KCNIP1: variants seen among roughly 807,000 people sequenced by gnomAD.
KCNIP1 encodes potassium voltage-gated channel interacting protein 1.
A neutral mutation model predicts 33.0 loss-of-function variants in KCNIP1; 18 were observed. The observed-to-expected ratio is 0.55, with a 90% confidence interval of 0.38 to 0.81. The LOEUF (loss-of-function observed/expected upper bound fraction) is 0.81, where lower values mean the gene tolerates loss of function less well. Among genes scored for constraint, KCNIP1 ranks in the 30% least tolerant of loss-of-function variants. The pLI is 0.00. For missense variants in KCNIP1, 238 were observed against 271.6 expected (o/e 0.88, Z 0.87); for synonymous variants, 93 against 98.3 (o/e 0.95, Z 0.32).
chr5:170,357,495 T>C (rs1341473762), intron 1 of KCNIP1, among the ~76,000 whole-genome samples: 1 of 152,244 alleles, frequency 6.6e-6, no homozygotes, highest in Non-Finnish European at 1.5e-5. Flanking sequence ...GATCACTTTA[T>C]GAAAGCCTAT....
Position 170,557,546 on chromosome 5 carries a change from T to C in KCNIP1, c.61+52913T>C, listed in dbSNP as rs572736239. Among the ~76,000 whole-genome samples, 108 of 151,638 alleles carry C rather than the reference T, an allele frequency of 7.1e-4. 1 individual carries two copies. In the South Asian group the frequency reaches 0.022, roughly 31 times the overall value. On this transcript the variant is annotated intron_variant, in intron 1 of 7. Transcript: ENST00000328939. ...GGGTCAACCACCCAGAAATGAATCG[T>C]GTGGGTCCCATCCTCTCCAAGACAA...
intron 1 of KCNIP1, among the ~76,000 whole-genome samples, chr5:170,394,491 C>T (rs558739938): frequency 1.3e-5 from 2 of 152,134 alleles, no homozygotes; most frequent in South Asian, 4.2e-4. Flanking sequence ...AAATCTCTCG[C>T]TTTTTTACAT....
At chr5:170,542,196 A>G (rs1033817301) in intron 1 of KCNIP1, among the ~76,000 whole-genome samples, 1 of 152,216 alleles carries the variant, frequency 6.6e-6, no homozygotes, top group African/African-American at 2.4e-5. Context: ...AGCACCTACT[A>G]TGTGGCAGGC....
chr5:170,636,821 C>T (rs1760303057), intron 1 of KCNIP1, among the ~76,000 whole-genome samples: 1 of 152,180 alleles, frequency 6.6e-6, no homozygotes, highest in Admixed American at 6.5e-5. Context: ...ACCCACATTA[C>T]TGACCACCCA....
upstream of KCNIP1, among the ~76,000 whole-genome samples, chr5:170,501,166 T>A (rs1254304151): frequency 1.3e-5 from 2 of 152,124 alleles, no homozygotes; most frequent in Non-Finnish European, 2.9e-5. Flanking sequence ...CCCTGGGTGC[T>A]ATGGAAACCA....
At chr5:170,612,435 C>CGGAG (rs1759199451) in intron 1 of KCNIP1, among the ~76,000 whole-genome samples, 1 of 152,204 alleles carries the variant, frequency 6.6e-6, no homozygotes, top group Non-Finnish European at 1.5e-5. Context: ...GGCTCCCTTT[C>CGGAG]GGAGACTAAT....
chr5:170,715,469 C>A (rs1426272179), intron 1 of KCNIP1, among the ~76,000 whole-genome samples: 1 of 152,142 alleles, frequency 6.6e-6, no homozygotes, highest in Non-Finnish European at 1.5e-5. Flanking sequence ...ATCACTTAAT[C>A]AAAATCATCT....
chr5:170,669,451 T>G (rs1581474342), intron 1 of KCNIP1: 2 of 888,974 alleles, frequency 2.2e-6, no homozygotes, highest in East Asian at 2.4e-4. Flanking sequence ...TAGAATGTAT[T>G]TAAAGTAATA....
chr5:170,612,435 C>A (rs1163401930), intron 1 of KCNIP1, among the ~76,000 whole-genome samples: 1 of 152,204 alleles, frequency 6.6e-6, no homozygotes, highest in South Asian at 2.1e-4. Context: ...GGCTCCCTTT[C>A]GGAGACTAAT....
chr5:170,591,532 T>G (rs371184266), intron 1 of KCNIP1, among the ~76,000 whole-genome samples: 1 of 152,230 alleles, frequency 6.6e-6, no homozygotes, highest in Non-Finnish European at 1.5e-5. Flanking sequence ...TTGGACAAAC[T>G]TCACCACCAT....
rs551415891 is a variant in KCNIP1 at position 170,648,124 on chromosome 5, C to T, written c.62-70634C>T. Reference sequence around the variant, plus strand: ...GGCCAATATCCAAAACACTTAACAACACAAAATGTAGGTGAGAATGTGGAG... The same window carrying T: ...GGCCAATATCCAAAACACTTAACAATACAAAATGTAGGTGAGAATGTGGAG... On this transcript the variant is annotated intron_variant, in intron 1 of 7. Transcript: ENST00000328939. 2.1e-4 allele frequency among the ~76,000 whole-genome samples: 32 copies of T among 152,270 alleles called. 1 individual carries two copies. The highest frequency in any genetic ancestry group is 8.3e-4 in the South Asian group (4 of 4,820).
At chr5:170,416,741 C>A (rs1033882412) in intron 1 of KCNIP1, among the ~76,000 whole-genome samples, 1 of 152,044 alleles carries the variant, frequency 6.6e-6, no homozygotes, top group African/African-American at 2.4e-5. Context: ...TGCCAGCACT[C>A]ATTTCTTGGG....
intron 1 of KCNIP1, among the ~76,000 whole-genome samples, chr5:170,395,073 C>G (rs992264417): frequency 2.0e-5 from 3 of 152,218 alleles, no homozygotes; most frequent in African/African-American, 7.2e-5. Context: ...GTGCAGGTCT[C>G]TTTATGGTAG....
chr5:170,436,544 G>A (rs895738210), intron 1 of KCNIP1, among the ~76,000 whole-genome samples: 1 of 152,214 alleles, frequency 6.6e-6, no homozygotes, highest in Non-Finnish European at 1.5e-5. Flanking sequence ...AGCTGGCTCC[G>A]CCCCTAGAGC....
At chr5:170,441,008 C>T (rs1213917452) in intron 1 of KCNIP1, among the ~76,000 whole-genome samples, 2 of 152,184 alleles carry the variant, frequency 1.3e-5, no homozygotes, top group East Asian at 1.9e-4. Flanking sequence ...TTCCTTCCCT[C>T]GGTCTGCCGT....
chr5:170,662,335 G>A lies in KCNIP1; in HGVS notation c.62-56423G>A, dbSNP rs544629346. Among the ~76,000 whole-genome samples the A allele has an allele frequency of 4.6e-5, 7 of 152,218 alleles. No individual in the cohort carries two copies. In the South Asian group the frequency reaches 1.2e-3, roughly 27 times the overall value. Reference sequence around the variant, plus strand: ...GGCACTGTTGAGGGAGGAGCTACCCGGGGGAGGAATGACCCTCCGTCACTG... The same window carrying A: ...GGCACTGTTGAGGGAGGAGCTACCCAGGGGAGGAATGACCCTCCGTCACTG... On this transcript the variant is annotated intron_variant, in intron 1 of 7. Transcript: ENST00000328939.
At chr5:170,574,347 AAT>A (rs1459027145) in intron 1 of KCNIP1, among the ~76,000 whole-genome samples, 2 of 152,268 alleles carry the variant, frequency 1.3e-5, no homozygotes, top group Non-Finnish European at 2.9e-5. Context: ...CATTAAAATA[AAT>A]ATGAGCTATA....
chr5:170,518,766 GGTA>G (rs1193751805), intron 1 of KCNIP1, among the ~76,000 whole-genome samples: 1 of 152,170 alleles, frequency 6.6e-6, no homozygotes, highest in Admixed American at 6.5e-5. Flanking sequence ...TGCCCTCAGA[GGTA>G]GGGTCTGTTC....
intron 5 of KCNIP1, among the ~76,000 whole-genome samples, chr5:170,732,186 T>C (rs1010465958): frequency 6.6e-6 from 1 of 152,218 alleles, no homozygotes; most frequent in Non-Finnish European, 1.5e-5. Context: ...ACATCCCAAA[T>C]GCTCTTTTAC....
Sources: gnomAD v4.1 joint callset for allele counts (sites outside exome capture counted in the v4.1 genomes callset) on GRCh38, gnomAD v4.1.1 for gene constraint, MANE v1.5 for transcripts, NCBI Gene and HGNC (gene_info 2026-07-23, HGNC 2026-07-21) for gene names.